MIB1: variants seen among roughly 807,000 people sequenced by gnomAD.
MIB1 encodes E3 ubiquitin-protein ligase MIB1.
A neutral mutation model predicts 124.5 loss-of-function variants in MIB1; 278 were observed. The ratio of observed to expected loss-of-function variants is 2.23; its 90% confidence interval spans 2.02 to 2.47. The LOEUF (loss-of-function observed/expected upper bound fraction) is 2.47. Ranked by LOEUF, MIB1 falls within the 30% of genes most tolerant of loss-of-function variation. MIB1 has a pLI of 0.00. For synonymous variants in MIB1, 446 were observed against 429.4 expected, an observed-to-expected ratio of 1.04 and a Z score of -0.48; for missense variants, 957 against 1,254.4, an observed-to-expected ratio of 0.76 and a Z score of 3.58.
rs189374118 is a variant in MIB1 at position 21,721,243 on chromosome 18, C to T, written n.167+16120C>T. Among the ~76,000 whole-genome samples, 933 of 112,980 alleles carry T rather than the reference C, an allele frequency of 8.3e-3. 3 individuals carry two copies. Among genetic ancestry groups the T allele is most frequent in the Admixed American group, 0.012 (89 of 7,436 alleles). The allele number at this position is 112,980 out of a possible 152,430, so 74.1% of individuals were successfully genotyped here. A position where few individuals can be genotyped will look rare whatever the true frequency, so the allele number is the denominator to read the frequency against. On this transcript the variant is annotated intron_variant and non_coding_transcript_variant, in intron 1 of 20. Transcript: ENST00000578646. ...TTGCCCAGGCTGGAGTGCGATGGTGCGATCTTGGCTCACTGCAATATCCGC... is the reference window on the plus strand; with the variant it reads ...TTGCCCAGGCTGGAGTGCGATGGTGTGATCTTGGCTCACTGCAATATCCGC...
chr18:21,732,609 G>A (rs1337874369), intron 1 of MIB1, among the ~76,000 whole-genome samples: 2 of 152,034 alleles, frequency 1.3e-5, no homozygotes, highest in Non-Finnish European at 2.9e-5. Context: ...TTCATGACCA[G>A]GCTGGTCATG....
chr18:21,808,490 CA>C (rs1419873296), intron 10 of MIB1, among the ~76,000 whole-genome samples: 2 of 152,180 alleles, frequency 1.3e-5, no homozygotes, highest in Non-Finnish European at 2.9e-5. Flanking sequence ...TGGCCCGTAG[CA>C]TAGATGACTA....
rs529241571 is a variant in MIB1, at chr18:21,778,586, G to A, written c.703+417G>A. ...ATTAAGATAATATATGTAATTTCAT[G>A]TATCATTAAAATAAAAAAAAGGGAA... On this transcript the variant is annotated intron_variant, in intron 5 of 20. Coordinates refer to ENST00000261537, the MANE Select transcript of MIB1 (RefSeq NM_020774.4). 3.3e-5 allele frequency among the ~76,000 whole-genome samples: 5 copies of A among 152,010 alleles called. No homozygotes were observed. In the South Asian group the frequency reaches 6.2e-4, roughly 19 times the overall value.
rs139958907 is a variant in MIB1 at position 21,794,916 on chromosome 18, C to G, written c.1093-3168C>G. Among the ~76,000 whole-genome samples the G allele has an allele frequency of 1.3e-3, 187 of 149,562 alleles. 2 individuals carry two copies. The highest frequency in any genetic ancestry group is 4.4e-3 in the African/African-American group (180 of 40,922). ...GAATTCTTGTTCCCATGAGTCCTTT[C>G]TAAGTAATTTGCTAGATAATGAGTT... is the stretch of plus-strand genomic sequence containing the variant. On this transcript the variant is annotated intron_variant, in intron 7 of 20. Coordinates refer to ENST00000261537, the MANE Select transcript of MIB1 (RefSeq NM_020774.4).
chr18:21,751,542 G>A lies in MIB1; in HGVS notation c.229+9730G>A, dbSNP rs144130362. Among the ~76,000 whole-genome samples, 536 of 152,176 alleles carry A rather than the reference G, an allele frequency of 3.5e-3. 1 individual carries two copies. The highest frequency in any genetic ancestry group is 0.012 in the African/African-American group (496 of 41,516). On this transcript the variant is annotated intron_variant, in intron 1 of 20. Coordinates refer to ENST00000261537, the MANE Select transcript of MIB1 (RefSeq NM_020774.4). ...CTCCCAAAGTGCTGGGATTACAGGCGTGACCTGCCACACCCAGCTCACAGT... is the reference window on the plus strand; with the variant it reads ...CTCCCAAAGTGCTGGGATTACAGGCATGACCTGCCACACCCAGCTCACAGT...
At chr18:21,783,720 C>T (rs368965068) in intron 6 of MIB1, among the ~76,000 whole-genome samples, 42 of 151,004 alleles carry the variant, frequency 2.8e-4, no homozygotes, top group Non-Finnish European at 3.8e-4. Flanking sequence ...TTTGGTAGTA[C>T]GTTTTAATGT....
At position 21,870,424 on chromosome 18, in the gene MIB1, A is replaced by AC. The variant is rs2042347108; in HGVS notation, c.*5758_*5759insC. 1 of 152,164 alleles carries AC rather than the reference A, an allele frequency of 6.6e-6. No individual in the cohort carries two copies. The highest frequency in any genetic ancestry group is 2.4e-5 in the African/African-American group (1 of 41,448). The allele number at this position is 152,164 out of a possible 1,614,324, so 9.4% of individuals were successfully genotyped here. On this transcript the variant is annotated 3_prime_UTR_variant, in exon 21 of 21. Coordinates refer to ENST00000261537, the MANE Select transcript of MIB1 (RefSeq NM_020774.4). ...CTAAAGGGCCAAAGAAGCATTTCAT[A>AC]TTTTAACACCTCACATTCTTTCAGG...
chr18:21,779,476 T>G lies in MIB1; in HGVS notation c.704-5T>G, dbSNP rs2041332619. The G allele has an allele frequency of 6.2e-7, 1 of 1,613,578 alleles. No homozygotes were observed. On this transcript the variant is annotated splice_polypyrimidine_tract_variant and splice_region_variant and intron_variant, in intron 5 of 20. Transcript: ENST00000261537. ...CCCTTTATTCAATTGCCTCTGAAATTACAGGTGAGCAGAATGGCAACAGGA... is the reference window on the plus strand; with the variant it reads ...CCCTTTATTCAATTGCCTCTGAAATGACAGGTGAGCAGAATGGCAACAGGA...
chr18:21,782,667 G>A (rs1025104127), intron 6 of MIB1, among the ~76,000 whole-genome samples: 29 of 152,140 alleles, frequency 1.9e-4, no homozygotes, highest in African/African-American at 7.0e-4. Context: ...AATTTAGTGA[G>A]ACTTGTTTTG....
chr18:21,736,592 C>A (rs2040797937), upstream of MIB1, among the ~76,000 whole-genome samples: 1 of 152,090 alleles, frequency 6.6e-6, no homozygotes, highest in Non-Finnish European at 1.5e-5. Context: ...ATGTTCTAAC[C>A]CAATGCAAGG....
chr18:21,831,112 A>C (rs1203755057), intron 12 of MIB1: 5 of 151,482 alleles, frequency 3.3e-5, no homozygotes, highest in Non-Finnish European at 5.9e-5. Context: ...AGACAAAAAA[A>C]AAAAAAAACA....
intron 1 of MIB1, among the ~76,000 whole-genome samples, chr18:21,745,833 A>G (rs940047833): frequency 3.3e-5 from 5 of 151,980 alleles, no homozygotes; most frequent in African/African-American, 7.3e-5. Context: ...CATCCTCCTG[A>G]GTAGCTGGAA....
intron 1 of MIB1, among the ~76,000 whole-genome samples, chr18:21,708,243 T>C (rs80267146): frequency 0.024 from 3,689 of 152,276 alleles, 145 homozygotes; most frequent in African/African-American, 0.084. Flanking sequence ...CCACCAAACT[T>C]AGGCAAATCA....
At chr18:21,713,332 C>T (rs2146353692) in intron 1 of MIB1, among the ~76,000 whole-genome samples, 1 of 143,158 alleles carries the variant, frequency 7.0e-6, no homozygotes, top group South Asian at 2.2e-4. Flanking sequence ...GAACTCTGGG[C>T]CAGGCGCGGT....
intron 12 of MIB1, chr18:21,831,231 A>T (rs1354356039): frequency 6.7e-6 from 1 of 148,570 alleles, no homozygotes; most frequent in Non-Finnish European, 1.5e-5. Context: ...CTTAGGAAAT[A>T]GTCTGCATCT....
rs2146529415 is a variant in MIB1 at position 21,867,170 on chromosome 18, G to T, written c.*2504G>T. The T allele has an allele frequency of 6.6e-6, 1 of 152,442 alleles. No homozygotes were observed. The highest frequency in any genetic ancestry group is 2.4e-5 in the African/African-American group (1 of 41,586). The allele number at this position is 152,442 out of a possible 1,614,324, so 9.4% of individuals were successfully genotyped here. A position where few individuals can be genotyped will look rare whatever the true frequency, so the allele number is the denominator to read the frequency against. Reference sequence around the variant, plus strand: ...GGCTTTAGGGATTAGATACACAACAGTGGAAAAATGGCATCTTAGCACACT... The same window carrying T: ...GGCTTTAGGGATTAGATACACAACATTGGAAAAATGGCATCTTAGCACACT... On this transcript the variant is annotated 3_prime_UTR_variant, in exon 21 of 21. Coordinates refer to ENST00000261537, the MANE Select transcript of MIB1 (RefSeq NM_020774.4).
chr18:21,744,749 T>A (rs2040893845), intron 1 of MIB1, among the ~76,000 whole-genome samples: 1 of 152,258 alleles, frequency 6.6e-6, no homozygotes. Context: ...CCCTTGTTAG[T>A]GCATCGTACC....
At chr18:21,738,948 G>T (rs1264495605), upstream of MIB1, among the ~76,000 whole-genome samples, 1 of 149,902 alleles carries the variant, frequency 6.7e-6, no homozygotes, top group Non-Finnish European at 1.5e-5. Flanking sequence ...GAGCAGAACT[G>T]AAGGAGGTAG....
At chr18:21,735,016 G>C (rs1189717819) in intron 1 of MIB1, among the ~76,000 whole-genome samples, 1 of 152,120 alleles carries the variant, frequency 6.6e-6, no homozygotes, top group Non-Finnish European at 1.5e-5. Flanking sequence ...TTTCCTTTTG[G>C]GTAAGTACTG....
Sources: allele counts gnomAD v4.1 joint callset (sites outside exome capture counted in the v4.1 genomes callset), GRCh38; gene constraint gnomAD v4.1.1; transcripts MANE v1.5; gene names NCBI Gene and HGNC (gene_info 2026-07-23, HGNC 2026-07-21).